Variants in STK31 observed in about 807,000 individuals in gnomAD.
STK31 encodes serine/threonine-protein kinase 31.
In STK31, 89 loss-of-function variants were observed where a neutral mutation model predicts 129.7. That is an observed-to-expected ratio of 0.69 (90% CI 0.58 to 0.82). The LOEUF is 0.82. STK31 is among the 40% of genes least tolerant of loss of function. The pLI is 0.00. For missense variants in STK31, 1,187 were observed against 1,176.4 expected (o/e 1.01, Z -0.13); for synonymous variants, 448 against 395.3 (o/e 1.13, Z -1.58).
At chr7:23,819,631 T>TCCAA (rs1159970754) in intron 23 of STK31, among the ~76,000 whole-genome samples, 1 of 152,204 alleles carries the variant, frequency 6.6e-6, no homozygotes, top group Non-Finnish European at 1.5e-5. Flanking sequence ...GCCAGGCTGA[T>TCCAA]CTTAAACTCC....
Position 23,788,084 on chromosome 7 carries a change from C to T in STK31, c.2592C>T (p.Asn864=), listed in dbSNP as rs375943570. 1.8e-5 allele frequency: 29 copies of T among 1,611,796 alleles called. No individual in the cohort carries two copies. Among genetic ancestry groups the T allele is most frequent in the Non-Finnish European group, 2.3e-5 (27 of 1,179,210 alleles). Residue 864 remains asparagine (N), a synonymous_variant, in exon 21 of 24, where the codon AAC becomes AAT. Transcript: ENST00000355870. The part of the protein sequence containing the change: ...SLHQNNVFAL[N]REQGIVGDFD... ...ATCAGAACAATGTATTTGCTTTAAA[C>T]CGTGAACAAGGAATTGTTGGAGATT...
At chr7:23,785,273 G>A (rs1791199938) in intron 17 of STK31, among the ~76,000 whole-genome samples, 1 of 150,034 alleles carries the variant, frequency 6.7e-6, no homozygotes, top group Non-Finnish European at 1.5e-5. Context: ...GTAATTAAAT[G>A]TATGGTGATT....
At chr7:23,761,363 G>T (rs1584400845) in intron 10 of STK31, among the ~76,000 whole-genome samples, 1 of 150,324 alleles carries the variant, frequency 6.7e-6, no homozygotes. Context: ...GTTTAGAATT[G>T]ATAACTTTTA....
intron 23 of STK31, among the ~76,000 whole-genome samples, 167 bp downstream of exon 23, chr7:23,815,379 A>G (rs1793407947): frequency 6.6e-6 from 1 of 152,180 alleles, no homozygotes; most frequent in Non-Finnish European, 1.5e-5. Flanking sequence ...CACTTAATTA[A>G]TACACCAGGG....
rs1372007109 is a variant in STK31, at chr7:23,721,657, C to T, written c.249+4078C>T. The T allele has an allele frequency of 6.1e-6, 5 of 822,320 alleles. No individual in the cohort carries two copies. The African/African-American group carries it at 6.7e-5, about 11-fold the overall frequency. The allele number at this position is 822,320 out of a possible 1,614,324, so 50.9% of individuals were successfully genotyped here. A position where few individuals can be genotyped will look rare whatever the true frequency, so the allele number is the denominator to read the frequency against. On this transcript the variant is annotated intron_variant, in intron 4 of 23. Coordinates refer to ENST00000355870, the MANE Select transcript of STK31 (RefSeq NM_031414.5). ...AAATACAAGCCAAGCCCTGTGGATT[C>T]CTGACAGCACAGGGAGGGAGTCCCA...
intron 15 of STK31, among the ~76,000 whole-genome samples, chr7:23,773,994 A>G (rs1790371267): frequency 6.8e-6 from 1 of 147,112 alleles, no homozygotes; most frequent in Admixed American, 6.7e-5. Flanking sequence ...AAGTGTTCCC[A>G]TTGTTCAGTT....
chr7:23,815,930 G>A (rs1793443883), intron 23 of STK31, among the ~76,000 whole-genome samples: 1 of 152,102 alleles, frequency 6.6e-6, no homozygotes, highest in African/African-American at 2.4e-5. Flanking sequence ...GTCTATAAGA[G>A]TATAATGATC....
intron 3 of STK31, among the ~76,000 whole-genome samples, chr7:23,716,754 A>G (rs985505195): frequency 6.1e-5 from 9 of 147,600 alleles, no homozygotes; most frequent in African/African-American, 2.2e-4. Flanking sequence ...AAGAATACAG[A>G]TTGGTACTTG....
At chr7:23,798,795 A>G (rs1792173954) in intron 22 of STK31, among the ~76,000 whole-genome samples, 1 of 152,106 alleles carries the variant, frequency 6.6e-6, no homozygotes, top group African/African-American at 2.4e-5. Context: ...AGGAAGAGAG[A>G]CAGTCAAAGT....
At chr7:23,825,748 T>G (rs768492025) in intron 23 of STK31, among the ~76,000 whole-genome samples, 25 of 152,164 alleles carry the variant, frequency 1.6e-4, no homozygotes, top group Non-Finnish European at 3.2e-4. Flanking sequence ...TGCTATACAT[T>G]TCCCTCTACA....
chr7:23,710,404 T>G, intron 1 of STK31, 69 bp downstream of exon 1: 1 of 1,609,238 alleles, frequency 6.2e-7, no homozygotes, highest in Non-Finnish European at 8.5e-7. Context: ...GCTGCTTGCG[T>G]TTTAAGTCTC....
chr7:23,785,728 T>A (rs1272836751), intron 18 of STK31, 125 bp downstream of exon 18: 2 of 1,278,040 alleles, frequency 1.6e-6, no homozygotes, highest in Non-Finnish European at 2.1e-6. Context: ...ACTGGCATGA[T>A]AATTGTGCTT....
chr7:23,730,874 A>ATTTTTTTT (rs1460221456), intron 6 of STK31, among the ~76,000 whole-genome samples: 4 of 59,732 alleles, frequency 6.7e-5, no homozygotes, highest in South Asian at 8.6e-4. Context: ...ATATATATAT[A>ATTTTTTTT]TATATTTTTT....
intron 22 of STK31, among the ~76,000 whole-genome samples, chr7:23,813,745 C>G (rs904165231): frequency 6.6e-6 from 1 of 152,134 alleles, no homozygotes; most frequent in Non-Finnish European, 1.5e-5. Flanking sequence ...AGACCCTGGT[C>G]TATGGGATGA....
chr7:23,717,632 T>C (rs919899406), intron 4 of STK31, 53 bp downstream of exon 4: 2 of 1,402,972 alleles, frequency 1.4e-6, no homozygotes, highest in Non-Finnish European at 2.0e-6. Flanking sequence ...AGCTTTCCTG[T>C]GTCTTAGATA....
chr7:23,824,134 G>C (rs1562635135), intron 23 of STK31, among the ~76,000 whole-genome samples: 1 of 152,190 alleles, frequency 6.6e-6, no homozygotes, highest in Non-Finnish European at 1.5e-5. Flanking sequence ...ATTCTGTGAA[G>C]AAAGTCATTG....
At position 23,794,815 on chromosome 7, in the gene STK31, A is replaced by G. The variant is rs546589581; in HGVS notation, c.2760+3869A>G. On this transcript the variant is annotated intron_variant, in intron 22 of 23. Transcript: ENST00000355870. ...TGGTGAAACTTTGAGCTTGAGAGAGATGATTTAGAGCATCTGGTGGAAGAA... is the reference window on the plus strand; with the variant it reads ...TGGTGAAACTTTGAGCTTGAGAGAGGTGATTTAGAGCATCTGGTGGAAGAA... Among the ~76,000 whole-genome samples, 120 of 152,308 alleles carry G rather than the reference A, an allele frequency of 7.9e-4. No homozygotes were observed. In the South Asian group the frequency reaches 0.013, roughly 17 times the overall value.
chr7:23,763,687 G>A (rs1256568251), intron 11 of STK31, among the ~76,000 whole-genome samples: 1 of 151,910 alleles, frequency 6.6e-6, no homozygotes, highest in African/African-American at 2.4e-5. Context: ...TAACTCTGCT[G>A]ATCTCTCTTT....
intron 22 of STK31, 97 bp downstream of exon 22, chr7:23,791,043 C>T: frequency 1.8e-6 from 2 of 1,132,666 alleles, no homozygotes; most frequent in Non-Finnish European, 2.3e-6. Flanking sequence ...TAAAAAGCAG[C>T]AGACTTTTAG....
Sources: gnomAD v4.1 joint callset for allele counts (sites outside exome capture counted in the v4.1 genomes callset) on GRCh38, gnomAD v4.1.1 for gene constraint, MANE v1.5 for transcripts, NCBI Gene and HGNC (gene_info 2026-07-23, HGNC 2026-07-21) for gene names.